Variants in TMEFF2 observed in about 807,000 individuals in gnomAD.
TMEFF2 encodes the protein tomoregulin-2.
TMEFF2 carries 28 observed loss-of-function variants against 53.8 expected under a neutral mutation model. That is an observed-to-expected ratio of 0.52 (90% CI 0.39 to 0.71). The LOEUF (loss-of-function observed/expected upper bound fraction) is 0.71, where lower values mean the gene tolerates loss of function less well. Ranked by LOEUF, TMEFF2 falls within the 30% of genes least tolerant of loss-of-function variation. The pLI, the probability that TMEFF2 is intolerant of heterozygous loss-of-function variation, is 0.00. For missense variants in TMEFF2, 353 were observed against 455.2 expected, an observed-to-expected ratio of 0.78 and a Z score of 2.04; for synonymous variants, 162 against 166.3, an observed-to-expected ratio of 0.97 and a Z score of 0.20.
chr2:191,971,775 G>C (rs1254014821), intron 7 of TMEFF2, among the ~76,000 whole-genome samples: 1 of 152,150 alleles, frequency 6.6e-6, no homozygotes, highest in East Asian at 1.9e-4. Flanking sequence ...CTCTCTGGAA[G>C]AGCATGCATA....
intron 4 of TMEFF2, among the ~76,000 whole-genome samples, chr2:192,151,489 A>G (rs1690387128): frequency 6.6e-6 from 1 of 151,894 alleles, no homozygotes; most frequent in Non-Finnish European, 1.5e-5. Flanking sequence ...TCTAAGAGCA[A>G]CTATGTTGAT....
rs1691469164 is a variant in TMEFF2 at position 192,191,861 on chromosome 2, C to T, written c.282+19G>A. 1 of 1,521,372 alleles carries T rather than the reference C, an allele frequency of 6.6e-7. No individual in the cohort carries two copies. The highest frequency in any genetic ancestry group is 9.1e-7 in the Non-Finnish European group (1 of 1,097,280). The allele number at this position is 1,521,372 out of a possible 1,614,324, so 94.2% of individuals were successfully genotyped here. On this transcript the variant is annotated intron_variant, in intron 2 of 9. Transcript: ENST00000272771. ...AGTCTCATTAATGAATTAGAAGATG[C>T]AAATATAAGACTTCTTACCTTGAAC...
chr2:192,161,154 T>C (rs959154943), intron 4 of TMEFF2, among the ~76,000 whole-genome samples: 2 of 152,028 alleles, frequency 1.3e-5, no homozygotes, highest in Non-Finnish European at 2.9e-5. Flanking sequence ...ATTCAACCTA[T>C]GAAACAGCAT....
intron 1 of TMEFF2, among the ~76,000 whole-genome samples, chr2:192,192,504 G>A (rs1354305180): frequency 6.6e-6 from 1 of 152,108 alleles, no homozygotes; most frequent in Non-Finnish European, 1.5e-5. Context: ...AAGATAAACA[G>A]GCACAGTGTT....
intron 7 of TMEFF2, among the ~76,000 whole-genome samples, chr2:191,973,850 GT>G (rs765829781): frequency 6.6e-6 from 1 of 152,086 alleles, no homozygotes; most frequent in African/African-American, 2.4e-5. Flanking sequence ...TTTATAAGGT[GT>G]TTTTCCCCAC....
At chr2:192,003,790 A>G (rs1686425244) in intron 5 of TMEFF2, among the ~76,000 whole-genome samples, 2 of 152,198 alleles carry the variant, frequency 1.3e-5, no homozygotes, top group African/African-American at 2.4e-5. Context: ...TGAAATTACA[A>G]AATTAGAGAG....
At chr2:191,970,084 A>G (rs1658791793) in intron 7 of TMEFF2, among the ~76,000 whole-genome samples, 1 of 152,154 alleles carries the variant, frequency 6.6e-6, no homozygotes, top group East Asian at 1.9e-4. Context: ...CTGTCATTGA[A>G]TGTGATAATG....
At chr2:192,057,211 T>C (rs917837580) in intron 5 of TMEFF2, among the ~76,000 whole-genome samples, 4 of 112,472 alleles carry the variant, frequency 3.6e-5, no homozygotes, top group Non-Finnish European at 8.0e-5. Flanking sequence ...ACCCAGCTAA[T>C]TATTATTATT....
rs1691963930 is a variant in TMEFF2 at position 191,953,789 on chromosome 2, A to G, written c.918T>C (p.Ser306=). The change falls in exon 9 of 10, where the codon AGT becomes AGC. Residue 306 remains serine (S), a synonymous_variant. Transcript: ENST00000272771. ...TGQHCEKKDY[S]VLYVVPGPVR... is the part of the protein sequence containing the mutation. ...CAGGACCGGGAACAACGTATAGAACACTGTAGTCCTTTTTTTCACAGTGTT... is the reference window on the plus strand; with the variant it reads ...CAGGACCGGGAACAACGTATAGAACGCTGTAGTCCTTTTTTTCACAGTGTT... The G allele has an allele frequency of 6.2e-7, 1 of 1,613,286 alleles. No individual in the cohort carries two copies. Among genetic ancestry groups the G allele is most frequent in the South Asian group, 1.1e-5 (1 of 90,996 alleles).
intron 5 of TMEFF2, among the ~76,000 whole-genome samples, chr2:192,012,341 T>G (rs1686647704): frequency 6.6e-6 from 1 of 152,254 alleles, no homozygotes; most frequent in African/African-American, 2.4e-5. Flanking sequence ...GGGTGATAAC[T>G]TTTGTTGTGT....
chr2:191,954,803 T>C (rs527897614), intron 8 of TMEFF2, among the ~76,000 whole-genome samples: 10 of 152,246 alleles, frequency 6.6e-5, no homozygotes, highest in Admixed American at 4.6e-4. Context: ...TCAACCCTCA[T>C]GGAAAGCTCA....
At chr2:191,950,828 G>C (rs1476729356) in intron 9 of TMEFF2, among the ~76,000 whole-genome samples, 3 of 152,122 alleles carry the variant, frequency 2.0e-5, no homozygotes, top group Admixed American at 2.0e-4. Flanking sequence ...TATCAAACCA[G>C]AGAATGAACC....
intron 4 of TMEFF2, among the ~76,000 whole-genome samples, chr2:192,166,942 C>T (rs2106018507): frequency 6.6e-6 from 1 of 152,178 alleles, no homozygotes; most frequent in Non-Finnish European, 1.5e-5. Context: ...ACAAGCTTTT[C>T]AGTGCTAAAA....
chr2:192,189,888 A>G (rs1457226461), intron 2 of TMEFF2, among the ~76,000 whole-genome samples: 2 of 152,158 alleles, frequency 1.3e-5, no homozygotes, highest in Non-Finnish European at 2.9e-5. Flanking sequence ...CCAGATTGAC[A>G]ACTATTGCAA....
In TMEFF2 at chr2:192,194,340, G is replaced by A. The variant is rs1290457204; in HGVS notation, c.172+13C>T. 5 of 1,613,768 alleles carry A rather than the reference G, an allele frequency of 3.1e-6. No homozygotes were observed. Among genetic ancestry groups the A allele is most frequent in the Non-Finnish European group, 1.7e-6 (2 of 1,179,766 alleles). ...CGGAGTTAAAGGGTCGGGGACGGGGGTTCTGGACTTACCAGAGCAATTCCA... is the reference window on the plus strand; with the variant it reads ...CGGAGTTAAAGGGTCGGGGACGGGGATTCTGGACTTACCAGAGCAATTCCA... On this transcript the variant is annotated intron_variant, in intron 1 of 9. Coordinates refer to ENST00000272771, the MANE Select transcript of TMEFF2 (RefSeq NM_016192.4). This position sits in a 1 kb window ranked among gnomAD's most constrained non-coding sequence, Gnocchi z 4.2.
chr2:192,127,673 A>G (rs1689709776), intron 4 of TMEFF2, among the ~76,000 whole-genome samples: 1 of 3,394 alleles, frequency 2.9e-4, no homozygotes, highest in Non-Finnish European at 1.2e-3. Flanking sequence ...CAACAGTACA[A>G]TTATGTAACT....
intron 4 of TMEFF2, among the ~76,000 whole-genome samples, chr2:192,108,555 C>A (rs1689203751): frequency 6.6e-6 from 1 of 151,816 alleles, no homozygotes; most frequent in Non-Finnish European, 1.5e-5. Context: ...TGAATTAATA[C>A]TATACTTGAA....
At chr2:192,085,789 T>C (rs935345248) in intron 4 of TMEFF2, among the ~76,000 whole-genome samples, 1 of 151,864 alleles carries the variant, frequency 6.6e-6, no homozygotes, top group African/African-American at 2.4e-5. Context: ...CATACAAATG[T>C]ACAAATCTGA....
chr2:192,038,668 T>C (rs1687395555), intron 5 of TMEFF2, among the ~76,000 whole-genome samples: 1 of 152,090 alleles, frequency 6.6e-6, no homozygotes, highest in Non-Finnish European at 1.5e-5. Flanking sequence ...GGTGTTTTTG[T>C]AGATACAGGG....
Sources: gnomAD v4.1 joint callset for allele counts (sites outside exome capture counted in the v4.1 genomes callset) on GRCh38, gnomAD v4.1.1 for gene constraint, Gnocchi (gnomAD v3.1) non-coding constraint, MANE v1.5 for transcripts, NCBI Gene and HGNC (gene_info 2026-07-23, HGNC 2026-07-21) for gene names.